The following COG7 variants were observed in gnomAD, a reference collection of about 807,000 sequenced individuals.
COG7 encodes the protein conserved oligomeric Golgi complex subunit 7.
Under a neutral mutation model 91.5 loss-of-function variants are expected in COG7, and 49 were observed. The ratio of observed to expected loss-of-function variants is 0.54; its 90% CI spans 0.43 to 0.68. COG7 has a LOEUF of 0.68. Ranked by LOEUF, COG7 falls within the 30% of genes least tolerant of loss-of-function variation. COG7 has a pLI of 0.00. For missense variants in COG7, 895 were observed against 961.3 expected, an observed-to-expected ratio of 0.93 and a Z score of 0.91; for synonymous variants, 365 against 388.7, an observed-to-expected ratio of 0.94 and a Z score of 0.72.
intron 13 of COG7, among the ~76,000 whole-genome samples, chr16:23,401,750 T>C (rs1218082946): frequency 6.6e-6 from 1 of 151,850 alleles, no homozygotes; most frequent in Non-Finnish European, 1.5e-5. Flanking sequence ...TGAGTATCTT[T>C]CGTGGAGAAA....
rs1025286001 is a variant in COG7 at position 23,430,961 on chromosome 16, C to T, written c.810+2584G>A. ...GGAAGATCACTTGAGCCCAGGAGTT[C>T]GACACCAGCCTGGGCAACATAGTGA... On this transcript the variant is annotated intron_variant, in intron 6 of 16. Coordinates refer to ENST00000307149, the MANE Select transcript of COG7 (RefSeq NM_153603.4). 3.3e-5 allele frequency among the ~76,000 whole-genome samples: 5 copies of T among 151,468 alleles called. 1 individual carries two copies. The highest frequency in any genetic ancestry group is 4.4e-5 in the Non-Finnish European group (3 of 67,838).
intron 14 of COG7, among the ~76,000 whole-genome samples, chr16:23,395,945 T>C (rs983143629): frequency 2.0e-5 from 3 of 152,248 alleles, no homozygotes; most frequent in Admixed American, 6.5e-5. Context: ...GATGACCTCA[T>C]ATTACTTCAA....
At chr16:23,439,010 T>C (rs1003980214) in intron 4 of COG7, among the ~76,000 whole-genome samples, 1 of 151,476 alleles carries the variant, frequency 6.6e-6, no homozygotes, top group Non-Finnish European at 1.5e-5. Flanking sequence ...ATACAAAAAT[T>C]AGCTAGGTGT....
chr16:23,450,730 G>C (rs1020036200), intron 1 of COG7, among the ~76,000 whole-genome samples: 6 of 152,046 alleles, frequency 3.9e-5, no homozygotes, highest in African/African-American at 1.4e-4. Context: ...TATTCAGGAG[G>C]CTGGGGCAGG....
At chr16:23,449,025 A>C (rs890871673) in intron 1 of COG7, among the ~76,000 whole-genome samples, 5 of 152,208 alleles carry the variant, frequency 3.3e-5, no homozygotes, top group African/African-American at 4.8e-5. Context: ...TGAATGTCTT[A>C]TGTCTGAATG....
chr16:23,398,446 A>G (rs1963319989), intron 13 of COG7, among the ~76,000 whole-genome samples: 1 of 152,148 alleles, frequency 6.6e-6, no homozygotes, highest in Non-Finnish European at 1.5e-5. Context: ...GTAACAGGAG[A>G]AAGTTGGATA....
intron 7 of COG7, among the ~76,000 whole-genome samples, chr16:23,423,330 G>A (rs1164316153): frequency 6.6e-6 from 1 of 152,196 alleles, no homozygotes; most frequent in Non-Finnish European, 1.5e-5. Context: ...TCACACCGCT[G>A]CACTCCAGCC....
At position 23,410,171 on chromosome 16, in the gene COG7, A is replaced by T. The variant is rs1567333936; in HGVS notation, c.1475+124T>A. The T allele has an allele frequency of 1.3e-5, 10 of 757,320 alleles. 1 individual carries two copies. In the East Asian group the frequency reaches 2.7e-4, roughly 20 times the overall value. The allele number at this position is 757,320 out of a possible 1,614,324, so 46.9% of individuals were successfully genotyped here. On this transcript the variant is annotated intron_variant, in intron 11 of 16. Coordinates refer to ENST00000307149, the MANE Select transcript of COG7 (RefSeq NM_153603.4). ...AATGACACGCTGTATCTAGGTACAGACAGTCCTCCAGCCCTGTGGCCTTCA... is the reference window on the plus strand; with the variant it reads ...AATGACACGCTGTATCTAGGTACAGTCAGTCCTCCAGCCCTGTGGCCTTCA...
chr16:23,419,131 C>A (rs113942805), intron 7 of COG7, among the ~76,000 whole-genome samples: 2 of 152,174 alleles, frequency 1.3e-5, no homozygotes, highest in Non-Finnish European at 2.9e-5. Context: ...ATTGGCCGGG[C>A]GTGGTGGCTC....
chr16:23,452,660 C>T, intron 1 of COG7, 166 bp downstream of exon 1: 1 of 1,429,174 alleles, frequency 7.0e-7, no homozygotes, highest in East Asian at 2.5e-5. Context: ...CGGCACCCAG[C>T]TGAGACTCCC....
At chr16:23,441,836 A>G (rs1964106340) in intron 4 of COG7, 1 of 152,788 alleles carries the variant, frequency 6.5e-6, no homozygotes, top group South Asian at 2.1e-4. Flanking sequence ...AGGGAAATGC[A>G]TTCGCACTAG....
At chr16:23,431,317 G>A (rs1390556021) in intron 6 of COG7, among the ~76,000 whole-genome samples, 2 of 152,128 alleles carry the variant, frequency 1.3e-5, no homozygotes, top group African/African-American at 4.8e-5. Flanking sequence ...CTTCCATCCT[G>A]AAAAGAAAAT....
At chr16:23,429,875 T>C (rs1050279642) in intron 6 of COG7, among the ~76,000 whole-genome samples, 4 of 152,134 alleles carry the variant, frequency 2.6e-5, no homozygotes, top group Non-Finnish European at 5.9e-5. Flanking sequence ...AAAAACACGC[T>C]GAGTGAAAGA....
intron 16 of COG7, among the ~76,000 whole-genome samples, chr16:23,390,472 G>A (rs1376313101): frequency 6.6e-6 from 1 of 152,080 alleles, no homozygotes; most frequent in Admixed American, 6.6e-5. Flanking sequence ...CCAAAGTGCT[G>A]GGATTACAGG....
chr16:23,409,873 G>T (rs1319835806), intron 11 of COG7, among the ~76,000 whole-genome samples: 2 of 152,136 alleles, frequency 1.3e-5, no homozygotes, highest in Non-Finnish European at 2.9e-5. Context: ...CCAGAAGGCA[G>T]GCTGCCTAAG....
At chr16:23,445,442 C>G (rs1964165613) in intron 2 of COG7, among the ~76,000 whole-genome samples, 1 of 152,086 alleles carries the variant, frequency 6.6e-6, no homozygotes, top group South Asian at 2.1e-4. Flanking sequence ...CACTTGAGAC[C>G]AGGAGTTCCA....
At chr16:23,397,882 ATCT>A (rs1437689949) in intron 14 of COG7, among the ~76,000 whole-genome samples, 161 bp downstream of exon 14, 2 of 152,268 alleles carry the variant, frequency 1.3e-5, no homozygotes, top group South Asian at 2.1e-4. Flanking sequence ...GGCTCTGCTG[ATCT>A]TCTTAAAGTC....
intron 16 of COG7, chr16:23,391,967 A>G: frequency 8.8e-7 from 1 of 1,137,294 alleles, no homozygotes; most frequent in Non-Finnish European, 1.1e-6. Context: ...CCCACCTCAC[A>G]GGGGAGTTTG....
intron 13 of COG7, among the ~76,000 whole-genome samples, chr16:23,399,453 A>C (rs1339890730): frequency 6.6e-6 from 1 of 152,206 alleles, no homozygotes; most frequent in East Asian, 1.9e-4. Flanking sequence ...AGCTTTGCAG[A>C]GAAGAGACAA....
Sources: gnomAD v4.1 joint callset for allele counts (sites outside exome capture counted in the v4.1 genomes callset) on GRCh38, gnomAD v4.1.1 for gene constraint, MANE v1.5 for transcripts, NCBI Gene and HGNC (gene_info 2026-07-23, HGNC 2026-07-21) for gene names.